Variants in PLCL1 observed in about 807,000 individuals in gnomAD.
PLCL1 encodes the protein inactive phospholipase C-like protein 1.
In PLCL1, 41 loss-of-function variants were observed where a neutral mutation model predicts 84.4. The ratio of observed to expected loss-of-function variants is 0.49; its 90% confidence interval spans 0.38 to 0.63. The LOEUF (loss-of-function observed/expected upper bound fraction) is 0.63. Ranked by LOEUF, PLCL1 falls within the 30% of genes least tolerant of loss-of-function variation. PLCL1 has a pLI of 0.00. For synonymous variants in PLCL1, 490 were observed against 488.3 expected (o/e 1.00, Z -0.05); for missense variants, 1,206 against 1,367.8 (o/e 0.88, Z 1.87).
intron 1 of PLCL1, among the ~76,000 whole-genome samples, chr2:198,042,886 G>A (rs1016884918): frequency 6.6e-6 from 1 of 152,142 alleles, no homozygotes; most frequent in African/African-American, 2.4e-5. Context: ...GATAATACGG[G>A]GTTGGTACAG....
At chr2:197,941,864 A>C (rs1167584661) in intron 1 of PLCL1, among the ~76,000 whole-genome samples, 1 of 151,982 alleles carries the variant, frequency 6.6e-6, no homozygotes. Context: ...ATACAGTGGC[A>C]TCTAAGCTTA....
At chr2:198,028,107 T>G (rs1490341852) in intron 1 of PLCL1, among the ~76,000 whole-genome samples, 1 of 152,166 alleles carries the variant, frequency 6.6e-6, no homozygotes, top group African/African-American at 2.4e-5. Context: ...TCCCAAAGTG[T>G]TGGGATTTCA....
At chr2:198,009,220 G>T (rs1690807764) in intron 1 of PLCL1, among the ~76,000 whole-genome samples, 1 of 151,790 alleles carries the variant, frequency 6.6e-6, no homozygotes, top group Non-Finnish European at 1.5e-5. Flanking sequence ...TGATTTCGTT[G>T]TCTGTGCTTT....
At chr2:197,921,852 C>T (rs1688703723) in intron 1 of PLCL1, among the ~76,000 whole-genome samples, 1 of 152,140 alleles carries the variant, frequency 6.6e-6, no homozygotes, top group African/African-American at 2.4e-5. Context: ...CATAATATAA[C>T]AGTCATGAAA....
intron 1 of PLCL1, among the ~76,000 whole-genome samples, chr2:198,010,872 G>A (rs2105829708): frequency 6.6e-6 from 1 of 151,542 alleles, no homozygotes; most frequent in East Asian, 1.9e-4. Context: ...TAGGTTGTAT[G>A]TTTCTAGGAA....
chr2:198,033,447 C>A (rs1045955354), intron 1 of PLCL1, among the ~76,000 whole-genome samples: 1 of 152,108 alleles, frequency 6.6e-6, no homozygotes, highest in Non-Finnish European at 1.5e-5. Flanking sequence ...ACCATGAAGA[C>A]GGAGATTGGG....
chr2:197,923,038 C>G (rs1439446251), intron 1 of PLCL1, among the ~76,000 whole-genome samples: 1 of 117,830 alleles, frequency 8.5e-6, no homozygotes, highest in Non-Finnish European at 1.8e-5. Flanking sequence ...CGGGCAGAGG[C>G]GCCCCTCACC....
intron 5 of PLCL1, among the ~76,000 whole-genome samples, chr2:198,137,524 C>A (rs1281504574): frequency 6.6e-6 from 1 of 152,176 alleles, no homozygotes; most frequent in Non-Finnish European, 1.5e-5. Flanking sequence ...AAGGCGGTAA[C>A]CTTCCAGAAC....
chr2:198,101,464 A>G, intron 4 of PLCL1, 104 bp downstream of exon 4: 1 of 653,872 alleles, frequency 1.5e-6, no homozygotes. Flanking sequence ...GCTTCTCTTA[A>G]AATGCAGTTA....
intron 5 of PLCL1, among the ~76,000 whole-genome samples, chr2:198,119,768 G>A (rs1336067442): frequency 6.6e-6 from 1 of 151,918 alleles, no homozygotes; most frequent in Non-Finnish European, 1.5e-5. Flanking sequence ...GTGTCCCTAT[G>A]TCTTTTTCTC....
chr2:198,112,786 G>A lies in PLCL1; in HGVS notation c.3105+8850G>A, dbSNP rs532021221. ...CAACTGGGAGGGGCAAAATAGGGAT[G>A]AAGCCAAAATTGAGGGTCTTATTCC... On this transcript the variant is annotated intron_variant, in intron 5 of 5. Transcript: ENST00000428675. 8.6e-5 allele frequency among the ~76,000 whole-genome samples: 13 copies of A among 152,018 alleles called. No homozygotes were observed. The South Asian group carries it at 2.7e-3, about 32-fold the overall frequency.
At chr2:197,868,394 T>C (rs576727018) in intron 1 of PLCL1, among the ~76,000 whole-genome samples, 2 of 152,328 alleles carry the variant, frequency 1.3e-5, no homozygotes, top group African/African-American at 4.8e-5. Context: ...TGAGATAACC[T>C]AAGAGATATC....
chr2:198,136,968 A>T (rs2105941775), intron 5 of PLCL1, among the ~76,000 whole-genome samples: 1 of 152,270 alleles, frequency 6.6e-6, no homozygotes, highest in Non-Finnish European at 1.5e-5. Flanking sequence ...AAAAGTTAGA[A>T]ATCAAAATAT....
At chr2:197,974,248 G>A (rs1689923717) in intron 1 of PLCL1, among the ~76,000 whole-genome samples, 2 of 152,176 alleles carry the variant, frequency 1.3e-5, no homozygotes, top group African/African-American at 4.8e-5. Context: ...GATATTGAAG[G>A]AAAGATATCA....
At chr2:198,136,800 G>A (rs1694266913) in intron 5 of PLCL1, among the ~76,000 whole-genome samples, 1 of 152,118 alleles carries the variant, frequency 6.6e-6, no homozygotes, top group East Asian at 1.9e-4. Flanking sequence ...AGCCATCAGG[G>A]CTTATGACGA....
At chr2:198,040,694 T>C (rs770088412) in intron 1 of PLCL1, among the ~76,000 whole-genome samples, 2 of 152,188 alleles carry the variant, frequency 1.3e-5, no homozygotes, top group Non-Finnish European at 2.9e-5. Flanking sequence ...TTCTACAGGC[T>C]CTGTGAGCTG....
chr2:198,002,320 T>C (rs1202325534), intron 1 of PLCL1, among the ~76,000 whole-genome samples: 1 of 152,218 alleles, frequency 6.6e-6, no homozygotes, highest in Admixed American at 6.5e-5. Context: ...AACATATGTA[T>C]GCATTTTTGT....
chr2:197,814,079 C>T lies in PLCL1; in HGVS notation c.240+8740C>T, dbSNP rs1222880456. ...TATAACTTTACTTTAATATTGCATT[C>T]CATTTTCCCTTGAGAGGAGTGGGGC... On this transcript the variant is annotated intron_variant, in intron 1 of 5. Transcript: ENST00000428675. 2.0e-5 allele frequency among the ~76,000 whole-genome samples: 3 copies of T among 152,150 alleles called. No homozygotes were observed. In the South Asian group the frequency reaches 6.2e-4, roughly 31 times the overall value.
intron 1 of PLCL1, among the ~76,000 whole-genome samples, chr2:198,015,474 T>C (rs150651281): frequency 6.6e-4 from 101 of 152,346 alleles, no homozygotes; most frequent in African/African-American, 2.4e-3. Flanking sequence ...AGTTGGTTTA[T>C]AATAAGTCTT....
Sources: gnomAD v4.1 joint callset for allele counts (sites outside exome capture counted in the v4.1 genomes callset) on GRCh38, gnomAD v4.1.1 for gene constraint, MANE v1.5 for transcripts, NCBI Gene and HGNC (gene_info 2026-07-23, HGNC 2026-07-21) for gene names.